The following FAT3 variants were observed in gnomAD, a reference collection of about 807,000 sequenced individuals.
FAT3 encodes FAT atypical cadherin 3.
In FAT3, 95 loss-of-function variants were observed where a neutral mutation model predicts 310.2. The ratio of observed to expected loss-of-function variants is 0.31; its 90% CI spans 0.26 to 0.36. FAT3 has a LOEUF of 0.36. Ranked by LOEUF, FAT3 falls within the 10% of genes least tolerant of loss-of-function variation. FAT3 has a pLI of 1.00. For synonymous variants in FAT3, 2,314 were observed against 2,192.9 expected (o/e 1.06, Z -1.54); for missense variants, 5,408 against 5,715.6 (o/e 0.95, Z 1.74).
intron 2 of FAT3, among the ~76,000 whole-genome samples, chr11:92,509,340 A>G (rs1953213507): frequency 6.6e-6 from 1 of 152,198 alleles, no homozygotes; most frequent in South Asian, 2.1e-4. Context: ...TGACCTGTCA[A>G]TTCTACTTTT....
At chr11:92,371,837 C>T (rs868259457) in intron 2 of FAT3, among the ~76,000 whole-genome samples, 6 of 152,164 alleles carry the variant, frequency 3.9e-5, no homozygotes, top group Admixed American at 3.3e-4. Flanking sequence ...TGTCAAGGCC[C>T]AGGTTCCCTA....
intron 3 of FAT3, among the ~76,000 whole-genome samples, chr11:92,537,558 T>C (rs1433690044): frequency 2.0e-5 from 3 of 152,088 alleles, no homozygotes; most frequent in Admixed American, 2.0e-4. Context: ...CAGGAATTTA[T>C]TATTGGGATT....
At chr11:92,649,594 A>G (rs1403245472) in intron 3 of FAT3, among the ~76,000 whole-genome samples, 2 of 152,074 alleles carry the variant, frequency 1.3e-5, no homozygotes, top group Non-Finnish European at 2.9e-5. Flanking sequence ...CCAAAGTTGC[A>G]TAGCAGGAGT....
chr11:92,801,155 C>T lies in FAT3; in HGVS notation c.8142C>T (p.Ser2714=), dbSNP rs1178960750. ...CATCATTCACCCAGTCTCAGTATTC[C>T]TTTACCATTGCAGAAGATACAGCCA... is the stretch of plus-strand genomic sequence containing the variant. ...FLPSFTQSQY[S]FTIAEDTAIG... The change falls in exon 10 of 28, where the codon TCC becomes TCT. Residue 2714 remains serine (S), a synonymous_variant. Coordinates refer to ENST00000525166, the MANE Select transcript of FAT3 (RefSeq NM_001367949.2). The T allele has an allele frequency of 1.2e-6, 2 of 1,613,962 alleles. No homozygotes were observed. The highest frequency in any genetic ancestry group is 1.7e-6 in the Non-Finnish European group (2 of 1,179,884).
intron 25 of FAT3, among the ~76,000 whole-genome samples, chr11:92,888,526 A>G (rs912077833): frequency 6.6e-6 from 1 of 152,118 alleles, no homozygotes; most frequent in African/African-American, 2.4e-5. Context: ...AACTTTCATC[A>G]AATTGGTTTT....
chr11:92,859,298 A>C lies in FAT3; in HGVS notation c.11634A>C (p.Arg3878Ser), dbSNP rs1226752422. Residue 3878 changes from arginine to serine, a missense_variant, in exon 21 of 28, where the codon AGA (arginine) becomes AGC (serine). Transcript: ENST00000525166. ...GCAATGGGATTATAATGTACACCAG[A>C]GCAAATCCCTGCATAATTCTGAAGG... ...LQSNGIIMYT[R>S]ANPCIILKIV... 1.2e-6 allele frequency: 2 copies of C among 1,608,560 alleles called. No homozygotes were observed. Among genetic ancestry groups the C allele is most frequent in the Non-Finnish European group, 1.7e-6 (2 of 1,176,396 alleles).
At chr11:92,390,880 T>C (rs920662405) in intron 2 of FAT3, among the ~76,000 whole-genome samples, 1 of 152,094 alleles carries the variant, frequency 6.6e-6, no homozygotes, top group Non-Finnish European at 1.5e-5. Flanking sequence ...AACAAGTGCT[T>C]CTTCAATCTT....
chr11:92,338,800 C>A (rs1022685980), intron 1 of FAT3, among the ~76,000 whole-genome samples: 1 of 152,134 alleles, frequency 6.6e-6, no homozygotes, highest in Non-Finnish European at 1.5e-5. Flanking sequence ...TTGCTACATG[C>A]GAACAGTTCC....
chr11:92,237,465 A>G (rs1167192028), intron 1 of FAT3, among the ~76,000 whole-genome samples: 1 of 152,134 alleles, frequency 6.6e-6, no homozygotes, highest in Non-Finnish European at 1.5e-5. Flanking sequence ...GGACTTTTAT[A>G]TAACTTTTAA....
At chr11:92,812,462 G>A (rs1947701571) in intron 13 of FAT3, among the ~76,000 whole-genome samples, 1 of 151,784 alleles carries the variant, frequency 6.6e-6, no homozygotes, top group Non-Finnish European at 1.5e-5. Context: ...TACGCCTGTA[G>A]TCCCAGCTAC....
chr11:92,568,234 T>A (rs1955542246), intron 3 of FAT3, among the ~76,000 whole-genome samples: 1 of 152,108 alleles, frequency 6.6e-6, no homozygotes, highest in South Asian at 2.1e-4. Context: ...ATTTTGCAAT[T>A]TCTAAATACG....
intron 3 of FAT3, among the ~76,000 whole-genome samples, chr11:92,644,109 C>T (rs1284437656): frequency 6.6e-6 from 1 of 152,188 alleles, no homozygotes; most frequent in African/African-American, 2.4e-5. Flanking sequence ...TCTCCAGGGC[C>T]GGGGGCCAAG....
chr11:92,483,548 G>A (rs190678396), intron 2 of FAT3, among the ~76,000 whole-genome samples: 1 of 152,010 alleles, frequency 6.6e-6, no homozygotes, highest in East Asian at 1.9e-4. Context: ...CTACTAGACT[G>A]TGAGATCTCT....
chr11:92,884,063 G>A (rs75760173), intron 24 of FAT3, among the ~76,000 whole-genome samples: 1,130 of 111,432 alleles, frequency 0.01, 15 homozygotes, highest in African/African-American at 0.035. Context: ...GTCTGGGCCA[G>A]ATGGAGGTGT....
At chr11:92,337,857 G>T (rs1371036616) in intron 1 of FAT3, among the ~76,000 whole-genome samples, 2 of 152,164 alleles carry the variant, frequency 1.3e-5, no homozygotes, top group Non-Finnish European at 2.9e-5. Flanking sequence ...TGTAACATTT[G>T]TTGCCAAATC....
intron 3 of FAT3, among the ~76,000 whole-genome samples, chr11:92,575,342 A>G (rs1938422499): frequency 1.3e-5 from 2 of 152,180 alleles, no homozygotes; most frequent in African/African-American, 4.8e-5. Flanking sequence ...AGGCAATGAC[A>G]TGAATTGATT....
intron 3 of FAT3, among the ~76,000 whole-genome samples, chr11:92,679,142 A>G (rs1002386564): frequency 1.3e-5 from 2 of 152,114 alleles, no homozygotes; most frequent in African/African-American, 4.8e-5. Context: ...CATTCCTTTT[A>G]TGGCTGAATA....
rs758151392 is a variant in FAT3, at chr11:92,801,773, T to C, written c.8760T>C (p.Asn2920=). The change falls in exon 10 of 28, where the codon AAT becomes AAC. Residue 2920 remains asparagine, a synonymous_variant. Transcript: ENST00000525166. The part of the protein sequence containing the change: ...VSVRVTDIND[N]APVFAQEVYR... ...TCAGAGTGACAGATATAAATGACAA[T>C]GCACCAGTCTTCGCGCAGGAAGTGT... 3 of 1,613,868 alleles carry C rather than the reference T, an allele frequency of 1.9e-6. No homozygotes were observed. Among genetic ancestry groups the C allele is most frequent in the East Asian group, 4.5e-5 (2 of 44,878 alleles).
At chr11:92,569,132 C>T (rs605449) in intron 3 of FAT3, among the ~76,000 whole-genome samples, 59,298 of 151,982 alleles carry the variant, frequency 0.39, 12,297 homozygotes, top group Middle Eastern at 0.53. Context: ...ATGACTTCAG[C>T]ATAGCCCAGT....
Sources: gnomAD v4.1 joint callset for allele counts (sites outside exome capture counted in the v4.1 genomes callset) on GRCh38, gnomAD v4.1.1 for gene constraint, MANE v1.5 for transcripts, NCBI Gene and HGNC (gene_info 2026-07-23, HGNC 2026-07-21) for gene names.